The following RNGTT variants were observed in gnomAD, a reference collection of about 807,000 sequenced individuals.
The protein encoded by RNGTT is RNA guanylyltransferase and 5'-phosphatase.
A neutral mutation model predicts 79.3 loss-of-function variants in RNGTT; 33 were observed. The ratio of observed to expected loss-of-function variants is 0.42; its 90% CI spans 0.32 to 0.56. RNGTT has a LOEUF of 0.56. Ranked by LOEUF, RNGTT falls within the 20% of genes least tolerant of loss-of-function variation. The pLI is 0.17. For synonymous variants in RNGTT, 222 were observed against 235.9 expected (o/e 0.94, Z 0.54); for missense variants, 497 against 739.1 (o/e 0.67, Z 3.80).
chr6:88,620,382 T>C (rs1772399547), intron 14 of RNGTT, among the ~76,000 whole-genome samples: 1 of 152,184 alleles, frequency 6.6e-6, no homozygotes, highest in Non-Finnish European at 1.5e-5. Context: ...GAGTTAGTCA[T>C]AGCTATTATT....
At chr6:88,754,434 T>C (rs1460929280) in intron 13 of RNGTT, among the ~76,000 whole-genome samples, 1 of 152,120 alleles carries the variant, frequency 6.6e-6, no homozygotes, top group Non-Finnish European at 1.5e-5. Flanking sequence ...GGAACATTTC[T>C]CCAGTTATGA....
chr6:88,735,578 AAAAAG>A (rs1186267637), intron 13 of RNGTT, among the ~76,000 whole-genome samples: 11 of 151,550 alleles, frequency 7.3e-5, no homozygotes, highest in African/African-American at 2.7e-4. Context: ...AAAAAAAAAA[AAAAAG>A]AAAGAAAGAA....
intron 13 of RNGTT, among the ~76,000 whole-genome samples, chr6:88,768,924 GA>G (rs554983656): frequency 2.0e-5 from 3 of 152,086 alleles, no homozygotes; most frequent in Non-Finnish European, 4.4e-5. Flanking sequence ...AAATCTTAAT[GA>G]AAGTCAACAG....
intron 1 of RNGTT, among the ~76,000 whole-genome samples, chr6:88,961,997 G>A (rs979839659): frequency 1.1e-4 from 17 of 152,310 alleles, no homozygotes; most frequent in African/African-American, 3.9e-4. Flanking sequence ...ATTGATACAT[G>A]CATAATCTGG....
intron 13 of RNGTT, among the ~76,000 whole-genome samples, chr6:88,730,428 C>G (rs1326003482): frequency 6.6e-6 from 1 of 152,200 alleles, no homozygotes; most frequent in African/African-American, 2.4e-5. Context: ...GGGATAAGAA[C>G]CTCTTCCCAT....
At chr6:88,713,364 C>T (rs1776385128) in intron 13 of RNGTT, among the ~76,000 whole-genome samples, 1 of 151,858 alleles carries the variant, frequency 6.6e-6, no homozygotes, top group Non-Finnish European at 1.5e-5. Context: ...TTTAAGTTAC[C>T]CAGTCTATGG....
intron 14 of RNGTT, among the ~76,000 whole-genome samples, chr6:88,617,867 T>TA (rs5878078): frequency 0.24 from 34,738 of 145,886 alleles, 4,668 homozygotes; most frequent in African/African-American, 0.39. Flanking sequence ...ACTGCTTAAT[T>TA]AAAAAAAAAA....
intron 6 of RNGTT, among the ~76,000 whole-genome samples, chr6:88,899,440 G>T (rs1439255193): frequency 1.3e-5 from 2 of 151,868 alleles, no homozygotes; most frequent in Non-Finnish European, 2.9e-5. Flanking sequence ...ACCACACCTG[G>T]CTAATTTTTT....
intron 4 of RNGTT, among the ~76,000 whole-genome samples, chr6:88,909,885 C>A (rs1049210448): frequency 6.6e-6 from 1 of 151,988 alleles, no homozygotes; most frequent in Non-Finnish European, 1.5e-5. Flanking sequence ...AGAGCCTTGG[C>A]CCTCTGAAAG....
intron 14 of RNGTT, among the ~76,000 whole-genome samples, chr6:88,616,738 G>C (rs1772238748): frequency 6.6e-6 from 1 of 151,926 alleles, no homozygotes; most frequent in Non-Finnish European, 1.5e-5. Flanking sequence ...TTTTAATTGG[G>C]TTGTTTATTG....
At chr6:88,837,862 C>G (rs1260157727) in intron 11 of RNGTT, among the ~76,000 whole-genome samples, 5 of 152,060 alleles carry the variant, frequency 3.3e-5, no homozygotes, top group Admixed American at 6.5e-5. Context: ...GAAGAAACAC[C>G]AGAAGCATTC....
intron 1 of RNGTT, among the ~76,000 whole-genome samples, chr6:88,949,159 G>GAAAAAAAAAAAAAAAAAAAAAAAAAAAAA: frequency 1.6e-4 from 8 of 50,514 alleles, no homozygotes; most frequent in Non-Finnish European, 1.6e-4. Context: ...AAAATAAAAT[G>GAAAAAAAAAAAAAAAAAAAAAAAAAAAAA]AAAAAAAAAA....
chr6:88,717,036 CT>C (rs1373991698), intron 13 of RNGTT, among the ~76,000 whole-genome samples: 1 of 152,164 alleles, frequency 6.6e-6, no homozygotes, highest in Non-Finnish European at 1.5e-5. Flanking sequence ...GAAACTTTAT[CT>C]TTCAGGGTGT....
chr6:88,798,512 G>A (rs893763669), intron 12 of RNGTT, among the ~76,000 whole-genome samples: 9 of 151,784 alleles, frequency 5.9e-5, no homozygotes, highest in African/African-American at 2.2e-4. Flanking sequence ...TAAGGTGGCA[G>A]AAATCCTCAA....
intron 1 of RNGTT, among the ~76,000 whole-genome samples, 167 bp downstream of exon 1, chr6:88,963,179 C>T (rs532526713): frequency 1.4e-5 from 2 of 147,294 alleles, no homozygotes; most frequent in South Asian, 4.2e-4. Flanking sequence ...CGACCATCCC[C>T]TCCCGTTCAT....
intron 14 of RNGTT, among the ~76,000 whole-genome samples, chr6:88,664,410 C>A (rs779798019): frequency 6.6e-6 from 1 of 152,186 alleles, no homozygotes; most frequent in Non-Finnish European, 1.5e-5. Context: ...AAGAAACGGG[C>A]TGGGTTTGCA....
chr6:88,833,180 C>T (rs756586673), intron 11 of RNGTT, among the ~76,000 whole-genome samples: 5 of 152,102 alleles, frequency 3.3e-5, no homozygotes, highest in Non-Finnish European at 7.4e-5. Context: ...AACCCAAATG[C>T]CCATCAACGA....
In RNGTT at chr6:88,782,644, C is replaced by A. The variant is rs368587092; in HGVS notation, c.1339-12770G>T. Among the ~76,000 whole-genome samples, 32 of 152,196 alleles carry A rather than the reference C, an allele frequency of 2.1e-4. No homozygotes were observed. In the East Asian group the frequency reaches 4.4e-3, roughly 21 times the overall value. ...GAAATGAGAAAAAATAATCTTCAAA[C>A]TATACATCCACAGGGGTTAATATCC... On this transcript the variant is annotated intron_variant, in intron 12 of 15. Coordinates refer to ENST00000369485, the MANE Select transcript of RNGTT (RefSeq NM_003800.5).
chr6:88,688,071 T>C (rs1420419056), intron 13 of RNGTT, among the ~76,000 whole-genome samples: 1 of 152,094 alleles, frequency 6.6e-6, no homozygotes, highest in African/African-American at 2.4e-5. Context: ...CTTCAGAAAA[T>C]AGTATTTTGA....
Sources: gnomAD v4.1 joint callset for allele counts (sites outside exome capture counted in the v4.1 genomes callset) on GRCh38, gnomAD v4.1.1 for gene constraint, MANE v1.5 for transcripts, NCBI Gene and HGNC (gene_info 2026-07-23, HGNC 2026-07-21) for gene names.